ARK2N: variants seen among roughly 807,000 people sequenced by gnomAD.
The protein encoded by ARK2N is arkadia (RNF111) N-terminal like PKA signaling regulator 2N.
the ARK2N span, chr18:46,266,318 T>A: frequency 1.3e-5 from 2 of 152,658 alleles, no homozygotes; most frequent in African/African-American, 4.8e-5. Flanking sequence ...TAAACTTTTT[T>A]AAGGCAAAGC....
At chr18:46,247,249 G>A in the ARK2N span, among the ~76,000 whole-genome samples, 1 of 152,060 alleles carries the variant, frequency 6.6e-6, no homozygotes, top group Admixed American at 6.5e-5. Flanking sequence ...AAAATAAAGT[G>A]ATGACATTTC....
chr18:46,261,627 A>G, the ARK2N span, among the ~76,000 whole-genome samples: 1 of 152,034 alleles, frequency 6.6e-6, no homozygotes, highest in Admixed American at 6.6e-5. Flanking sequence ...TAATGTCCCT[A>G]TTTATTTCTC....
the ARK2N span, among the ~76,000 whole-genome samples, chr18:46,261,765 G>C: frequency 7.9e-5 from 12 of 152,176 alleles, no homozygotes; most frequent in African/African-American, 2.9e-4. Context: ...TGAGAGATCT[G>C]TTCTTAGGAA....
chr18:46,214,139 T>C, the ARK2N span, among the ~76,000 whole-genome samples: 1 of 152,196 alleles, frequency 6.6e-6, no homozygotes, highest in Non-Finnish European at 1.5e-5. Context: ...TATAGAATAT[T>C]TATGTTTGTA....
chr18:46,202,624 C>G, the ARK2N span, among the ~76,000 whole-genome samples: 1 of 151,850 alleles, frequency 6.6e-6, no homozygotes, highest in Non-Finnish European at 1.5e-5. Flanking sequence ...CCCGTCTCTA[C>G]TAAAAATACA....
At chr18:46,228,467 G>C in the ARK2N span, among the ~76,000 whole-genome samples, 1 of 152,044 alleles carries the variant, frequency 6.6e-6, no homozygotes, top group Non-Finnish European at 1.5e-5. Context: ...TGCTAGTATT[G>C]TATTGACTGG....
the ARK2N span, among the ~76,000 whole-genome samples, chr18:46,181,010 C>T: frequency 6.6e-6 from 1 of 152,064 alleles, no homozygotes; most frequent in African/African-American, 2.4e-5. Flanking sequence ...GCCTGTAATC[C>T]CAGCACTTTG....
chr18:46,195,175 A>G, the ARK2N span, among the ~76,000 whole-genome samples: 1 of 151,676 alleles, frequency 6.6e-6, no homozygotes, highest in Non-Finnish European at 1.5e-5. Context: ...CCTACTTATT[A>G]CACAGTTTCA....
the ARK2N span, among the ~76,000 whole-genome samples, chr18:46,193,658 G>A: frequency 3.4e-5 from 5 of 148,692 alleles, no homozygotes; most frequent in South Asian, 1.1e-3. Flanking sequence ...CAGTGCAGTG[G>A]TGCAGTCTCA....
chr18:46,259,909 T>G, the ARK2N span, among the ~76,000 whole-genome samples: 17 of 23,992 alleles, frequency 7.1e-4, no homozygotes, highest in Non-Finnish European at 1.3e-3. Context: ...GCGACAGAGA[T>G]GGGGTTTCAC....
chr18:46,222,084 C>T, the ARK2N span, among the ~76,000 whole-genome samples: 38 of 152,274 alleles, frequency 2.5e-4, no homozygotes, highest in African/African-American at 8.4e-4. Context: ...GTATTTAAAC[C>T]ATCTGATGCC....
At chr18:46,183,820 AT>A in the ARK2N span, among the ~76,000 whole-genome samples, 2 of 151,216 alleles carry the variant, frequency 1.3e-5, no homozygotes, top group Non-Finnish European at 2.9e-5. Flanking sequence ...TCAAAACCAA[AT>A]TTTTAAAAAA....
the ARK2N span, among the ~76,000 whole-genome samples, chr18:46,215,489 A>G: frequency 6.6e-6 from 1 of 152,230 alleles, no homozygotes; most frequent in Non-Finnish European, 1.5e-5. Flanking sequence ...CAATGAATGC[A>G]TATTAATTAT....
the ARK2N span, among the ~76,000 whole-genome samples, chr18:46,245,584 A>AG: frequency 6.6e-6 from 1 of 151,460 alleles, no homozygotes; most frequent in South Asian, 2.1e-4. Context: ...AAAAAAAAAA[A>AG]AAAAGAAAGA....
the ARK2N span, among the ~76,000 whole-genome samples, chr18:46,188,625 G>GT: frequency 2.6e-5 from 4 of 152,192 alleles, no homozygotes; most frequent in Non-Finnish European, 5.9e-5. Flanking sequence ...GAGATTACAG[G>GT]TGTGAGCCAC....
At chr18:46,226,335 CTTTAA>C in the ARK2N span, among the ~76,000 whole-genome samples, 3 of 152,064 alleles carry the variant, frequency 2.0e-5, no homozygotes, top group Non-Finnish European at 4.4e-5. Context: ...TTATTTTGAG[CTTTAA>C]TTTAAAGCTC....
At chr18:46,256,716 A>G in the ARK2N span, among the ~76,000 whole-genome samples, 2 of 152,218 alleles carry the variant, frequency 1.3e-5, no homozygotes, top group Non-Finnish European at 2.9e-5. Flanking sequence ...TTGTCCGTAT[A>G]ATGGAATGTA....
At chr18:46,181,211 G>A in the ARK2N span, among the ~76,000 whole-genome samples, 1 of 152,136 alleles carries the variant, frequency 6.6e-6, no homozygotes, top group African/African-American at 2.4e-5. Context: ...AGTGAGCAGG[G>A]ATCATGCCAT....
At chr18:46,195,335 CA>C in the ARK2N span, among the ~76,000 whole-genome samples, 1 of 131,590 alleles carries the variant, frequency 7.6e-6, no homozygotes, top group Non-Finnish European at 1.5e-5. Flanking sequence ...GTGTTTCGAT[CA>C]TAGCTTACTA....
Sources: allele counts gnomAD v4.1 joint callset (sites outside exome capture counted in the v4.1 genomes callset), GRCh38; gene constraint gnomAD v4.1.1; transcripts MANE v1.5; gene names NCBI Gene and HGNC (gene_info 2026-07-23, HGNC 2026-07-21).